The following PSMB1 variants were observed in gnomAD, a reference collection of about 807,000 sequenced individuals.
PSMB1 encodes the protein proteasome 20S subunit beta 1, also known as proteasome subunit beta type-1.
Under a neutral mutation model 25.4 loss-of-function variants are expected in PSMB1, and 7 were observed. The observed-to-expected ratio is 0.28, with a 90% CI of 0.16 to 0.52. The LOEUF (loss-of-function observed/expected upper bound fraction) is 0.52. PSMB1 is among the 20% of genes least tolerant of loss of function. The pLI is 0.97. For missense variants in PSMB1, 284 were observed against 302.2 expected (o/e 0.94, Z 0.45); for synonymous variants, 119 against 115.0 (o/e 1.03, Z -0.22).
chr6:170,535,530 T>G, intron 5 of PSMB1, 125 bp from the exon 6 acceptor site: 1 of 823,408 alleles, frequency 1.2e-6, no homozygotes, highest in Non-Finnish European at 1.9e-6. Context: ...AAAATTAAAA[T>G]GTCCTTCAGA....
chr6:170,536,572 G>A (rs953228514), intron 5 of PSMB1: 2 of 441,016 alleles, frequency 4.5e-6, no homozygotes, highest in Non-Finnish European at 9.0e-6. Context: ...GTAAACAGAT[G>A]ATGTAAACTT....
rs772896597 is a variant in PSMB1 at position 170,553,223 on chromosome 6, A to T, written c.20T>A (p.Met7Lys). The change falls in exon 1 of 6, where the codon ATG (methionine) becomes AAG (lysine). Residue 7 changes from methionine to lysine, a missense_variant. Coordinates refer to ENST00000262193, the MANE Select transcript of PSMB1 (RefSeq NM_002793.4). MLSSTA[M>K]YSAPGRDLGM... ...CAAGTCTCTGCCAGGAGCCGAATACATGGCTGTAGAGGACAACATCGCACG... is the reference window on the plus strand; with the variant it reads ...CAAGTCTCTGCCAGGAGCCGAATACTTGGCTGTAGAGGACAACATCGCACG... 2.4e-5 allele frequency: 38 copies of T among 1,612,890 alleles called. No individual in the cohort carries two copies. The highest frequency in any genetic ancestry group is 3.2e-5 in the Non-Finnish European group (38 of 1,179,526).
At chr6:170,540,613 A>T (rs1487297315) in intron 4 of PSMB1, among the ~76,000 whole-genome samples, 1 of 127,304 alleles carries the variant, frequency 7.9e-6, no homozygotes, top group Non-Finnish European at 1.7e-5. Flanking sequence ...AAAAAAAAAA[A>T]TCAGAGATTT....
intron 4 of PSMB1, among the ~76,000 whole-genome samples, chr6:170,540,348 G>A (rs1316351585): frequency 6.6e-6 from 1 of 152,126 alleles, no homozygotes; most frequent in Admixed American, 6.5e-5. Flanking sequence ...ATGGAAAGTT[G>A]ATGTAAACAA....
chr6:170,552,197 G>A (rs904310363), intron 1 of PSMB1, among the ~76,000 whole-genome samples: 16 of 152,200 alleles, frequency 1.1e-4, no homozygotes, highest in Non-Finnish European at 1.5e-5. Context: ...GATTACAGGT[G>A]CGAGCCACAC....
chr6:170,536,889 A>C (rs1197956422), intron 5 of PSMB1, among the ~76,000 whole-genome samples: 1 of 152,170 alleles, frequency 6.6e-6, no homozygotes, highest in African/African-American at 2.4e-5. Flanking sequence ...TGGGTAACAC[A>C]GAAAGGGGGG....
Position 170,535,408 on chromosome 6 carries a change from G to A in PSMB1, c.541-3C>T, listed in dbSNP as rs772844241. ...TTCTGCATGTTCTTAAAACCAACCT[G>A]GTGGGACATGAAACTTGGGTGAGAT... is the stretch of plus-strand genomic sequence containing the variant. On this transcript the variant is annotated splice_region_variant and splice_polypyrimidine_tract_variant and intron_variant, in intron 5 of 5. Transcript: ENST00000262193. 2 of 1,610,084 alleles carry A rather than the reference G, an allele frequency of 1.2e-6. No individual in the cohort carries two copies. The highest frequency in any genetic ancestry group is 2.2e-5 in the South Asian group (2 of 90,810).
chr6:170,536,003 G>C (rs1250018076), intron 5 of PSMB1, among the ~76,000 whole-genome samples: 1 of 152,182 alleles, frequency 6.6e-6, no homozygotes, highest in Admixed American at 6.5e-5. Context: ...TAGGCAGAAA[G>C]GATGTTAGGA....
intron 2 of PSMB1, among the ~76,000 whole-genome samples, chr6:170,547,942 G>A (rs576485082): frequency 2.7e-4 from 39 of 144,050 alleles, no homozygotes; most frequent in Admixed American, 6.9e-4. Context: ...ATATTTAAAA[G>A]ATGAGTAAAA....
chr6:170,543,341 C>T (rs1318259381), intron 4 of PSMB1, among the ~76,000 whole-genome samples: 2 of 152,124 alleles, frequency 1.3e-5, no homozygotes, highest in African/African-American at 2.4e-5. Context: ...GATAAAAATG[C>T]CTAATTATTT....
At chr6:170,539,903 T>C (rs1778736451) in intron 4 of PSMB1, among the ~76,000 whole-genome samples, 1 of 152,204 alleles carries the variant, frequency 6.6e-6, no homozygotes. Flanking sequence ...AAAAAAATTT[T>C]TTGTTAATTA....
At chr6:170,546,774 T>C (rs979358333) in intron 2 of PSMB1, among the ~76,000 whole-genome samples, 4 of 152,138 alleles carry the variant, frequency 2.6e-5, no homozygotes, top group Non-Finnish European at 4.4e-5. Context: ...CTCGTGAAGG[T>C]AGATTTAAAC....
chr6:170,539,155 T>C (rs1405106498), intron 4 of PSMB1, among the ~76,000 whole-genome samples: 1 of 152,214 alleles, frequency 6.6e-6, no homozygotes, highest in East Asian at 1.9e-4. Context: ...CAAAGTGCTT[T>C]TCCTCATCAA....
At chr6:170,542,558 A>G (rs1159403062) in intron 4 of PSMB1, among the ~76,000 whole-genome samples, 2 of 152,182 alleles carry the variant, frequency 1.3e-5, no homozygotes, top group East Asian at 3.9e-4. Flanking sequence ...TGCTAAACAC[A>G]CAGAAACTAT....
chr6:170,540,716 A>G (rs1172345155), intron 4 of PSMB1, among the ~76,000 whole-genome samples: 1 of 152,124 alleles, frequency 6.6e-6, no homozygotes, highest in Non-Finnish European at 1.5e-5. Flanking sequence ...AACTGCAAAG[A>G]AAGTAAACAG....
chr6:170,547,133 G>T (rs187710398), intron 2 of PSMB1, among the ~76,000 whole-genome samples: 1 of 152,260 alleles, frequency 6.6e-6, no homozygotes, highest in East Asian at 1.9e-4. Flanking sequence ...TGAGGTTGTG[G>T]AAACAGTATA....
intron 3 of PSMB1, among the ~76,000 whole-genome samples, chr6:170,544,747 A>T (rs1778796988): frequency 6.6e-6 from 1 of 152,238 alleles, no homozygotes; most frequent in African/African-American, 2.4e-5. Context: ...GTAAAATTAA[A>T]TAATGACAGT....
intron 1 of PSMB1, 180 bp from the exon 2 acceptor site, chr6:170,549,293 A>T: frequency 2.1e-6 from 1 of 468,122 alleles, no homozygotes; most frequent in Middle Eastern, 5.4e-4. Context: ...GTTGTCTGGG[A>T]AAAAAAAATT....
At chr6:170,541,219 G>A (rs1028013952) in intron 4 of PSMB1, among the ~76,000 whole-genome samples, 2 of 152,050 alleles carry the variant, frequency 1.3e-5, no homozygotes, top group African/African-American at 4.8e-5. Flanking sequence ...AGTATGTGAG[G>A]TCTGACAACC....
Sources: allele counts gnomAD v4.1 joint callset (sites outside exome capture counted in the v4.1 genomes callset), GRCh38; gene constraint gnomAD v4.1.1; transcripts MANE v1.5; gene names NCBI Gene and HGNC (gene_info 2026-07-23, HGNC 2026-07-21).